THSD7B: variants seen among roughly 807,000 people sequenced by gnomAD.
The protein encoded by THSD7B is thrombospondin type 1 domain containing 7B.
A neutral mutation model predicts 213.6 loss-of-function variants in THSD7B; 138 were observed. The observed-to-expected ratio is 0.65, with a 90% confidence interval of 0.56 to 0.74. The LOEUF is 0.74. Among genes scored for constraint, THSD7B ranks in the 30% least tolerant of loss-of-function variants. The pLI, the probability that THSD7B is intolerant of heterozygous loss-of-function variation, is 0.00. For missense variants in THSD7B, 1,931 were observed against 1,991.5 expected (o/e 0.97, Z 0.58); for synonymous variants, 742 against 687.0 (o/e 1.08, Z -1.25).
intron 1 of THSD7B, among the ~76,000 whole-genome samples, chr2:136,841,673 C>A (rs181667052): frequency 6.7e-6 from 1 of 150,144 alleles, no homozygotes; most frequent in East Asian, 1.9e-4. Flanking sequence ...AATTATTGTT[C>A]AGCGTATTAT....
Position 137,657,133 on chromosome 2 carries a change from C to T in THSD7B, c.4348C>T (p.Gln1450Ter). The change falls in exon 24 of 28, where the codon CAG becomes TAG. Residue 1450 changes from glutamine (Q) to a stop codon, truncating the protein, a stop_gained. Transcript: ENST00000409968. LOFTEE classifies it high-confidence loss of function. ...CAATAACGAACGAACTGTATGGTGC[C>T]AGCGTTCAGATGGCGTTAATGTCAC... is the stretch of plus-strand genomic sequence containing the variant. ...WNNNERTVWC[Q>*]RSDGVNVTGG... 1.2e-6 allele frequency: 2 copies of T among 1,613,962 alleles called. No individual in the cohort carries two copies. The highest frequency in any genetic ancestry group is 1.7e-6 in the Non-Finnish European group (2 of 1,179,890).
intron 2 of THSD7B, among the ~76,000 whole-genome samples, chr2:137,035,546 G>A (rs1368934698): frequency 6.6e-6 from 1 of 150,986 alleles, no homozygotes; most frequent in East Asian, 1.9e-4. Context: ...AAGGGATAGT[G>A]TTTCTGTTTT....
At chr2:136,832,523 C>T (rs1682774092) in intron 1 of THSD7B, among the ~76,000 whole-genome samples, 1 of 152,108 alleles carries the variant, frequency 6.6e-6, no homozygotes, top group Non-Finnish European at 1.5e-5. Context: ...TTACTAAATT[C>T]ACTGATGTAA....
At chr2:136,766,275 G>A (rs1456607980) in intron 1 of THSD7B, among the ~76,000 whole-genome samples, 1 of 152,174 alleles carries the variant, frequency 6.6e-6, no homozygotes, top group Non-Finnish European at 1.5e-5. Flanking sequence ...ATTTATCGGT[G>A]GAGTGTCAGG....
intron 14 of THSD7B, among the ~76,000 whole-genome samples, 170 bp from the exon 15 acceptor site, chr2:137,450,675 G>A (rs1341624950): frequency 6.6e-6 from 1 of 152,124 alleles, no homozygotes. Context: ...TTTGAATGCA[G>A]ATGTCATATT....
chr2:137,123,336 G>A (rs141236895), intron 5 of THSD7B, among the ~76,000 whole-genome samples: 5 of 152,114 alleles, frequency 3.3e-5, no homozygotes, highest in Admixed American at 2.0e-4. Context: ...ACAAGATTCA[G>A]GAGGAGGCCA....
intron 7 of THSD7B, among the ~76,000 whole-genome samples, chr2:137,212,154 A>G (rs35665893): frequency 0.28 from 42,453 of 151,914 alleles, 6,658 homozygotes; most frequent in Non-Finnish European, 0.35. Flanking sequence ...TTTATGTAAA[A>G]CTATGTTACT....
At chr2:136,866,038 A>G (rs1683326364) in intron 1 of THSD7B, among the ~76,000 whole-genome samples, 1 of 152,224 alleles carries the variant, frequency 6.6e-6, no homozygotes, top group South Asian at 2.1e-4. Flanking sequence ...GGATGATTTG[A>G]TCAGCTTGGA....
chr2:137,211,270 C>T (rs895450150), intron 7 of THSD7B, among the ~76,000 whole-genome samples: 2 of 110,544 alleles, frequency 1.8e-5, no homozygotes, highest in African/African-American at 6.9e-5. Context: ...AACAATGGGG[C>T]ATAGTCCATT....
intron 15 of THSD7B, among the ~76,000 whole-genome samples, chr2:137,558,701 A>G (rs2105217648): frequency 6.6e-6 from 1 of 151,822 alleles, no homozygotes. Flanking sequence ...ATAGTGTTGG[A>G]AGTTCTGGCC....
chr2:137,347,761 A>G (rs923600660), intron 12 of THSD7B, among the ~76,000 whole-genome samples: 8 of 151,356 alleles, frequency 5.3e-5, no homozygotes, highest in Non-Finnish European at 1.5e-5. Flanking sequence ...AAATTTTTTC[A>G]ACTTCTATGC....
chr2:136,904,005 A>T (rs938075599), intron 2 of THSD7B, among the ~76,000 whole-genome samples: 14 of 147,892 alleles, frequency 9.5e-5, no homozygotes, highest in African/African-American at 3.5e-4. Flanking sequence ...CGGCAGCATG[A>T]TTTTTGTAAA....
rs72977631 is a variant in THSD7B at position 137,356,466 on chromosome 2, T to C, written c.2501-49147T>C. On this transcript the variant is annotated intron_variant, in intron 12 of 27. Coordinates refer to ENST00000409968, the MANE Select transcript of THSD7B (RefSeq NM_001316349.2). Reference sequence around the variant, plus strand: ...TGTCTTTAAGTCCAAAAGATGTCTGTGTTAGATTATTATTTTAATAGGTCC... The same window carrying C: ...TGTCTTTAAGTCCAAAAGATGTCTGCGTTAGATTATTATTTTAATAGGTCC... Among the ~76,000 whole-genome samples the C allele has an allele frequency of 4.3e-3, 661 of 152,316 alleles. 9 individuals carry two copies. Among genetic ancestry groups the C allele is most frequent in the African/African-American group, 0.015 (627 of 41,578 alleles).
chr2:137,149,487 G>A (rs531509525), intron 5 of THSD7B, among the ~76,000 whole-genome samples: 4 of 152,304 alleles, frequency 2.6e-5, no homozygotes, highest in African/African-American at 9.6e-5. Flanking sequence ...AATCCCATGA[G>A]CCTTCCTGTT....
intron 12 of THSD7B, among the ~76,000 whole-genome samples, chr2:137,380,224 C>CA (rs1165275761): frequency 1.4e-5 from 2 of 140,468 alleles, no homozygotes; most frequent in South Asian, 4.6e-4. Context: ...CCAGCCTGGG[C>CA]AAAAAAGCGA....
intron 12 of THSD7B, among the ~76,000 whole-genome samples, chr2:137,290,110 CTTT>C (rs1244519702): frequency 6.1e-5 from 8 of 130,808 alleles, no homozygotes; most frequent in South Asian, 2.5e-4. Flanking sequence ...AAAGAGTTTT[CTTT>C]TTTTTTTTTT....
chr2:137,451,540 A>C (rs1425907663), intron 15 of THSD7B, among the ~76,000 whole-genome samples: 1 of 151,818 alleles, frequency 6.6e-6, no homozygotes, highest in Non-Finnish European at 1.5e-5. Flanking sequence ...TCTCTTTTGA[A>C]CTACTTCTTT....
intron 12 of THSD7B, among the ~76,000 whole-genome samples, chr2:137,404,879 A>G (rs1686475678): frequency 6.6e-6 from 1 of 152,048 alleles, no homozygotes; most frequent in Non-Finnish European, 1.5e-5. Context: ...GGGGTGAGGG[A>G]TAAAAGACAA....
At chr2:137,475,418 T>C (rs1003393250) in intron 15 of THSD7B, among the ~76,000 whole-genome samples, 1 of 152,126 alleles carries the variant, frequency 6.6e-6, no homozygotes, top group African/African-American at 2.4e-5. Context: ...TTATTAAACA[T>C]TGGAACTTAT....
Sources: gnomAD v4.1 joint callset for allele counts (sites outside exome capture counted in the v4.1 genomes callset) on GRCh38, gnomAD v4.1.1 for gene constraint, MANE v1.5 for transcripts, NCBI Gene and HGNC (gene_info 2026-07-23, HGNC 2026-07-21) for gene names.